The following UNC13B variants were observed in gnomAD, a reference collection of about 807,000 sequenced individuals.
UNC13B encodes the protein protein unc-13 homolog B.
UNC13B carries 144 observed loss-of-function variants against 211.0 expected under a neutral mutation model. The observed-to-expected ratio is 0.68, with a 90% CI of 0.60 to 0.78. UNC13B has a LOEUF of 0.78. UNC13B is among the 30% of genes least tolerant of loss of function. The pLI is 0.00. For synonymous variants in UNC13B, 709 were observed against 725.8 expected (o/e 0.98, Z 0.37); for missense variants, 1,777 against 2,002.0 (o/e 0.89, Z 2.14).
intron 7 of UNC13B, among the ~76,000 whole-genome samples, chr9:35,270,187 C>T (rs939527571): frequency 6.6e-6 from 1 of 152,104 alleles, no homozygotes; most frequent in Middle Eastern, 3.2e-3. Context: ...ACTAGTTTTG[C>T]TCGTTGCTAC....
intron 22 of UNC13B, chr9:35,384,659 C>T (rs1423788483): frequency 1.0e-6 from 1 of 985,262 alleles, no homozygotes; most frequent in East Asian, 1.1e-4. Context: ...AATTACATTT[C>T]TTTTTTGCAT....
rs1587775659 is a variant in UNC13B at position 35,398,652 on chromosome 9, C to T, written c.11921+10C>T. On this transcript the variant is annotated intron_variant, in intron 32 of 39. Transcript: ENST00000635942. ...TGGTGTTTGGAAACAGGTCAGTGACCCCACAATACAAGGCCCTCAGAGCCA... is the reference window on the plus strand; with the variant it reads ...TGGTGTTTGGAAACAGGTCAGTGACTCCACAATACAAGGCCCTCAGAGCCA... 1 of 1,613,618 alleles carries T rather than the reference C, an allele frequency of 6.2e-7. No individual in the cohort carries two copies. The highest frequency in any genetic ancestry group is 8.5e-7 in the Non-Finnish European group (1 of 1,179,848).
At chr9:35,235,927 T>C (rs1180005464) in intron 3 of UNC13B, among the ~76,000 whole-genome samples, 3 of 152,178 alleles carry the variant, frequency 2.0e-5, no homozygotes, top group Non-Finnish European at 4.4e-5. Context: ...AGTCTAATTA[T>C]GATTGTATCT....
At chr9:35,243,455 T>C (rs1825919253) in intron 6 of UNC13B, 91 bp downstream of exon 6, 1 of 1,309,330 alleles carries the variant, frequency 7.6e-7, no homozygotes, top group Non-Finnish European at 1.1e-6. Context: ...AAGAGCATGT[T>C]GTCCTGAGAA....
chr9:35,284,713 T>A (rs1318049529), intron 7 of UNC13B, among the ~76,000 whole-genome samples: 4 of 152,234 alleles, frequency 2.6e-5, no homozygotes, highest in African/African-American at 9.6e-5. Flanking sequence ...CCGAATCAAC[T>A]GTCTAGAAAA....
At chr9:35,236,659 G>C in intron 4 of UNC13B, 73 bp downstream of exon 4, 1 of 1,327,290 alleles carries the variant, frequency 7.5e-7, no homozygotes, top group Non-Finnish European at 1.1e-6. Flanking sequence ...CTCCACTTTA[G>C]CTAATATTCA....
At chr9:35,236,858 G>A (rs1825542733) in intron 4 of UNC13B, among the ~76,000 whole-genome samples, 1 of 152,190 alleles carries the variant, frequency 6.6e-6, no homozygotes, top group Non-Finnish European at 1.5e-5. Context: ...AGGTATGTGT[G>A]TGTCGGTGTG....
At chr9:35,243,206 A>T (rs17849234) in intron 5 of UNC13B, 85 bp from the exon 6 acceptor site, 2 of 1,370,616 alleles carry the variant, frequency 1.5e-6, no homozygotes, top group African/African-American at 2.9e-5. Flanking sequence ...GACTTCAGTC[A>T]TTAGACAGAG....
At chr9:35,330,543 G>T (rs1831313107) in intron 11 of UNC13B, among the ~76,000 whole-genome samples, 1 of 152,234 alleles carries the variant, frequency 6.6e-6, no homozygotes, top group Non-Finnish European at 1.5e-5. Context: ...TGGTATGTTA[G>T]TGCTTCTCTG....
In UNC13B at chr9:35,382,428, A is replaced by T; in HGVS notation, c.10727A>T (p.Asn3576Ile). Reference sequence around the variant, plus strand: ...GCAGTGATGAGCACCTTACTGGCCAACATCAACGCCTACTATGCCCACACA... The same window carrying T: ...GCAGTGATGAGCACCTTACTGGCCATCATCAACGCCTACTATGCCCACACA... ...VPAVMSTLLA[N>I]INAYYAHTTA... The change falls in exon 21 of 40, where the codon AAC (asparagine) becomes ATC (isoleucine). Residue 3576 changes from asparagine to isoleucine, a missense_variant. Coordinates refer to ENST00000635942, the MANE Select transcript of UNC13B (RefSeq NM_001371189.2). The T allele has an allele frequency of 6.2e-7, 1 of 1,614,202 alleles. No homozygotes were observed. The highest frequency in any genetic ancestry group is 8.5e-7 in the Non-Finnish European group (1 of 1,180,048).
intron 6 of UNC13B, among the ~76,000 whole-genome samples, chr9:35,243,977 C>A (rs1354859607): frequency 6.6e-6 from 1 of 152,044 alleles, no homozygotes; most frequent in African/African-American, 2.4e-5. Flanking sequence ...TGTTGATAAA[C>A]AATTTCATGA....
At chr9:35,318,614 A>G (rs1408475723) in intron 11 of UNC13B, among the ~76,000 whole-genome samples, 2 of 152,184 alleles carry the variant, frequency 1.3e-5, no homozygotes, top group Admixed American at 6.5e-5. Flanking sequence ...AAAATTTTTC[A>G]TTCTTTTTTA....
At chr9:35,257,491 G>C (rs534596840) in intron 6 of UNC13B, among the ~76,000 whole-genome samples, 8 of 129,790 alleles carry the variant, frequency 6.2e-5, no homozygotes, top group African/African-American at 2.3e-4. Flanking sequence ...TGAAGCACAA[G>C]AATTGTTTGA....
chr9:35,238,689 G>C (rs1050618127), intron 5 of UNC13B, among the ~76,000 whole-genome samples: 2 of 151,864 alleles, frequency 1.3e-5, no homozygotes, highest in African/African-American at 2.4e-5. Flanking sequence ...CTGAGTCACT[G>C]AGATTACAGG....
At chr9:35,203,722 C>T (rs1441189955) in intron 1 of UNC13B, among the ~76,000 whole-genome samples, 1 of 152,184 alleles carries the variant, frequency 6.6e-6, no homozygotes, top group African/African-American at 2.4e-5. Context: ...AGCCTGCATT[C>T]ATATGCATGA....
At chr9:35,378,462 C>T in intron 17 of UNC13B, 26 bp downstream of exon 17, 1 of 1,613,832 alleles carries the variant, frequency 6.2e-7, no homozygotes, top group Non-Finnish European at 8.5e-7. Flanking sequence ...CTTTGTCTTA[C>T]CTGGGACTGT....
chr9:35,204,075 A>G (rs964558098), intron 1 of UNC13B, among the ~76,000 whole-genome samples: 2 of 152,224 alleles, frequency 1.3e-5, no homozygotes, highest in Non-Finnish European at 2.9e-5. Flanking sequence ...GCATCCTGGC[A>G]TCTCTAGCAC....
intron 11 of UNC13B, among the ~76,000 whole-genome samples, chr9:35,357,406 C>T (rs1355609634): frequency 1.3e-5 from 2 of 151,924 alleles, no homozygotes; most frequent in Non-Finnish European, 2.9e-5. Flanking sequence ...AAGCCTTGGA[C>T]CACTTTTAAA....
rs193039307 is a variant in UNC13B, at chr9:35,180,145, T to C, written c.22+17840T>C. 4.6e-5 allele frequency among the ~76,000 whole-genome samples: 7 copies of C among 152,386 alleles called. No individual in the cohort carries two copies. In the East Asian group the frequency reaches 1.3e-3, roughly 29 times the overall value. ...GCTCAATTATAACCTTAACTGTGTT[T>C]ACTTTATAATTAGTCATTGGTTTTG... On this transcript the variant is annotated intron_variant, in intron 1 of 39. Coordinates refer to ENST00000635942, the MANE Select transcript of UNC13B (RefSeq NM_001371189.2).
Sources: allele counts gnomAD v4.1 joint callset (sites outside exome capture counted in the v4.1 genomes callset), GRCh38; gene constraint gnomAD v4.1.1; transcripts MANE v1.5; gene names NCBI Gene and HGNC (gene_info 2026-07-23, HGNC 2026-07-21).